The following OPCML variants were observed in gnomAD, a reference collection of about 807,000 sequenced individuals.
OPCML encodes opioid-binding protein/cell adhesion molecule.
In OPCML, 13 loss-of-function variants were observed where a neutral mutation model predicts 37.8. The observed-to-expected ratio is 0.34, with a 90% confidence interval of 0.22 to 0.55. The LOEUF is 0.55. Ranked by LOEUF, OPCML falls within the 20% of genes least tolerant of loss-of-function variation. The pLI is 0.91. For synonymous variants in OPCML, 176 were observed against 168.8 expected, an observed-to-expected ratio of 1.04 and a Z score of -0.33; for missense variants, 341 against 435.6, an observed-to-expected ratio of 0.78 and a Z score of 1.93.
intron 1 of OPCML, among the ~76,000 whole-genome samples, chr11:133,316,664 T>C (rs968588384): frequency 2.0e-5 from 3 of 152,210 alleles, no homozygotes; most frequent in Admixed American, 6.5e-5. Context: ...TTAGAAACTA[T>C]GTTTATGACT....
intron 4 of OPCML, among the ~76,000 whole-genome samples, chr11:132,443,089 T>C (rs545157810): frequency 2.8e-4 from 43 of 152,358 alleles, no homozygotes; most frequent in African/African-American, 1.0e-3. Flanking sequence ...GTTTGCTGTC[T>C]AGGGCATGGC....
Position 132,480,788 on chromosome 11 carries a change from C to G in OPCML, c.506-43429G>C, listed in dbSNP as rs371117820. ...CAAACTAAGCTTCATAAGTGAAGGACAAATAAAATACTTTACAGAGAAGCA... is the reference window on the plus strand; with the variant it reads ...CAAACTAAGCTTCATAAGTGAAGGAGAAATAAAATACTTTACAGAGAAGCA... On this transcript the variant is annotated intron_variant, in intron 4 of 7. Coordinates refer to ENST00000524381, the MANE Select transcript of OPCML (RefSeq NM_001012393.5). Among the ~76,000 whole-genome samples the G allele has an allele frequency of 2.2e-4, 34 of 151,962 alleles. No individual in the cohort carries two copies. The East Asian group carries it at 5.0e-3, about 22-fold the overall frequency.
At chr11:133,034,395 A>G (rs777260501) in intron 1 of OPCML, among the ~76,000 whole-genome samples, 12 of 151,818 alleles carry the variant, frequency 7.9e-5, no homozygotes, top group Non-Finnish European at 1.8e-4. Context: ...GCTGTATATG[A>G]CACTGAAAAG....
intron 1 of OPCML, among the ~76,000 whole-genome samples, chr11:133,304,947 A>G (rs1228294148): frequency 1.3e-5 from 2 of 152,174 alleles, no homozygotes; most frequent in Admixed American, 6.5e-5. Context: ...CTTAAGTGTA[A>G]AAAGACCCAC....
At chr11:132,548,259 A>G (rs1342486584) in intron 3 of OPCML, among the ~76,000 whole-genome samples, 1 of 152,188 alleles carries the variant, frequency 6.6e-6, no homozygotes, top group Non-Finnish European at 1.5e-5. Context: ...CTAGAAGAAG[A>G]AAGTAGGCTC....
chr11:132,554,417 A>G (rs1265068748), intron 3 of OPCML, among the ~76,000 whole-genome samples: 1 of 152,220 alleles, frequency 6.6e-6, no homozygotes, highest in Non-Finnish European at 1.5e-5. Flanking sequence ...TCAGGGCAGG[A>G]GAAAATGAAA....
chr11:132,651,029 C>G lies in OPCML; in HGVS notation c.379+6058G>C, dbSNP rs77420465. The stretch of plus-strand genomic sequence containing the variant: ...TCCCTGGCAAAATTGTGACCTATGG[C>G]TCTGCCTCCCTGGGCCTGCTGCAAC... On this transcript the variant is annotated intron_variant, in intron 3 of 7. Coordinates refer to ENST00000524381, the MANE Select transcript of OPCML (RefSeq NM_001012393.5). Among the ~76,000 whole-genome samples, 1,218 of 152,302 alleles carry G rather than the reference C, an allele frequency of 8.0e-3. 24 individuals carry two copies. The highest frequency in any genetic ancestry group is 0.028 in the African/African-American group (1,169 of 41,562).
At chr11:132,482,106 C>A (rs1287505122) in intron 4 of OPCML, among the ~76,000 whole-genome samples, 1 of 149,464 alleles carries the variant, frequency 6.7e-6, no homozygotes, top group East Asian at 2.0e-4. Context: ...ACAAAAAACC[C>A]TTCAAAAAAT....
chr11:133,178,239 C>T (rs1343149518), intron 1 of OPCML, among the ~76,000 whole-genome samples: 1 of 152,012 alleles, frequency 6.6e-6, no homozygotes, highest in Non-Finnish European at 1.5e-5. Context: ...TTTTTGGAAG[C>T]ACGGCCTCTC....
At chr11:132,684,412 C>T (rs1011656323) in intron 2 of OPCML, among the ~76,000 whole-genome samples, 3 of 151,986 alleles carry the variant, frequency 2.0e-5, no homozygotes, top group African/African-American at 7.3e-5. Flanking sequence ...ATGCTTCACC[C>T]CTAATTCATA....
chr11:133,349,701 G>A (rs555962230), intron 1 of OPCML, among the ~76,000 whole-genome samples: 16 of 152,096 alleles, frequency 1.1e-4, no homozygotes, highest in African/African-American at 3.9e-4. Flanking sequence ...CATTCCCCAC[G>A]GTGGATTTTC....
At chr11:132,952,099 A>G (rs367809892) in intron 1 of OPCML, among the ~76,000 whole-genome samples, 1 of 152,256 alleles carries the variant, frequency 6.6e-6, no homozygotes, top group Non-Finnish European at 1.5e-5. Context: ...GGAGAAATAT[A>G]AAGTGAGAAG....
intron 2 of OPCML, among the ~76,000 whole-genome samples, chr11:132,713,229 T>C (rs1380758127): frequency 6.6e-6 from 1 of 152,224 alleles, no homozygotes; most frequent in Non-Finnish European, 1.5e-5. Context: ...CGTGCTTTAT[T>C]TGCCGATTCA....
intron 1 of OPCML, chr11:133,007,314 G>A: frequency 1.0e-6 from 1 of 985,346 alleles, no homozygotes; most frequent in Non-Finnish European, 1.2e-6. Context: ...ATCTATAAAT[G>A]ACCTCAGCAG....
rs140138285 is a variant in OPCML at position 133,102,790 on chromosome 11, C to A, written c.62-159780G>T. Among the ~76,000 whole-genome samples, 1,173 of 151,258 alleles carry A rather than the reference C, an allele frequency of 7.8e-3. 14 individuals are homozygous for A. The highest frequency in any genetic ancestry group is 0.024 in the African/African-American group (986 of 41,362). On this transcript the variant is annotated intron_variant, in intron 1 of 7. Coordinates refer to ENST00000524381, the MANE Select transcript of OPCML (RefSeq NM_001012393.5). Reference sequence around the variant, plus strand: ...AAACAAAAACAAACAACAACAACAACAAAAAAAACTATGCCAAATTTGATT... The same window carrying A: ...AAACAAAAACAAACAACAACAACAAAAAAAAAAACTATGCCAAATTTGATT...
chr11:133,438,912 G>A (rs1237472286), intron 1 of OPCML, among the ~76,000 whole-genome samples: 10 of 152,154 alleles, frequency 6.6e-5, no homozygotes, highest in Admixed American at 6.5e-4. Flanking sequence ...TCAAGGGGCT[G>A]GGAGGGGTGA....
chr11:133,443,801 CCT>C (rs10548542), intron 1 of OPCML, among the ~76,000 whole-genome samples: 2,011 of 152,096 alleles, frequency 0.013, 30 homozygotes, highest in African/African-American at 0.045. Context: ...CAGCACACAC[CCT>C]GTGTTTAGAA....
chr11:132,499,690 T>G lies in OPCML; in HGVS notation c.505+29371A>C, dbSNP rs191499645. 6.9e-3 allele frequency among the ~76,000 whole-genome samples: 1,050 copies of G among 152,336 alleles called. 9 individuals carry two copies. The highest frequency in any genetic ancestry group is 0.011 in the Non-Finnish European group (722 of 68,030). ...TTTCCTCTCTATGCCTCAGCATCCT[T>G]AACTGGAAAACAGAGATGTGCATTA... On this transcript the variant is annotated intron_variant, in intron 4 of 7. Coordinates refer to ENST00000524381, the MANE Select transcript of OPCML (RefSeq NM_001012393.5).
chr11:133,191,978 A>T (rs149603730), intron 1 of OPCML, among the ~76,000 whole-genome samples: 8 of 152,262 alleles, frequency 5.3e-5, no homozygotes, highest in African/African-American at 1.4e-4. Flanking sequence ...AAACACTTGA[A>T]CTGTCTGCTG....
Sources: gnomAD v4.1 joint callset for allele counts (sites outside exome capture counted in the v4.1 genomes callset) on GRCh38, gnomAD v4.1.1 for gene constraint, MANE v1.5 for transcripts, NCBI Gene and HGNC (gene_info 2026-07-23, HGNC 2026-07-21) for gene names.